ROBO1: variants seen among roughly 807,000 people sequenced by gnomAD.
ROBO1 encodes the protein roundabout homolog 1.
ROBO1 carries 149 observed loss-of-function variants against 195.9 expected under a neutral mutation model. The observed-to-expected ratio is 0.76, with a 90% confidence interval of 0.67 to 0.87. ROBO1 has a LOEUF of 0.87. Among genes scored for constraint, ROBO1 ranks in the 40% least tolerant of loss-of-function variants. The pLI is 0.00. For synonymous variants in ROBO1, 816 were observed against 733.2 expected (o/e 1.11, Z -1.82); for missense variants, 1,933 against 2,068.3 (o/e 0.93, Z 1.27).
chr3:79,246,646 AT>A (rs2082628712), intron 2 of ROBO1, among the ~76,000 whole-genome samples: 1 of 151,936 alleles, frequency 6.6e-6, no homozygotes. Context: ...GTCCCTTATT[AT>A]TTGTGTGACC....
intron 1 of ROBO1, among the ~76,000 whole-genome samples, chr3:79,626,140 AC>A (rs1400196379): frequency 6.6e-6 from 1 of 152,180 alleles, no homozygotes; most frequent in African/African-American, 2.4e-5. Flanking sequence ...ATAAAATTCA[AC>A]ATCCTTTCAT....
At chr3:79,722,274 C>T (rs947731312) in intron 1 of ROBO1, among the ~76,000 whole-genome samples, 1 of 152,106 alleles carries the variant, frequency 6.6e-6, no homozygotes, top group African/African-American at 2.4e-5. Flanking sequence ...ATCAATTGAC[C>T]TCTCATACAT....
At chr3:79,647,964 T>C (rs4856382) in intron 1 of ROBO1, among the ~76,000 whole-genome samples, 83,498 of 151,888 alleles carry the variant, frequency 0.55, 23,166 homozygotes, top group South Asian at 0.67. Context: ...TGTTGACGTT[T>C]TTGTGACCAA....
chr3:79,519,816 G>A (rs1412173269), intron 2 of ROBO1, among the ~76,000 whole-genome samples: 5 of 151,820 alleles, frequency 3.3e-5, no homozygotes, highest in Non-Finnish European at 5.9e-5. Flanking sequence ...CTAGGCAAAG[G>A]TAGGCAAGTA....
chr3:79,408,890 A>G (rs2106838986), intron 2 of ROBO1, among the ~76,000 whole-genome samples: 1 of 152,248 alleles, frequency 6.6e-6, no homozygotes, highest in South Asian at 2.1e-4. Flanking sequence ...ATATTCCAAA[A>G]TAACTTACAT....
chr3:78,734,110 T>C (rs905625940), intron 5 of ROBO1, among the ~76,000 whole-genome samples: 1 of 152,282 alleles, frequency 6.6e-6, no homozygotes, highest in South Asian at 2.1e-4. Context: ...AAGGTCTATT[T>C]TGACTAATAG....
At chr3:79,281,033 A>G (rs2031470946) in intron 2 of ROBO1, among the ~76,000 whole-genome samples, 1 of 152,172 alleles carries the variant, frequency 6.6e-6, no homozygotes, top group South Asian at 2.1e-4. Context: ...AATAAAAAAG[A>G]ATGTACTTCG....
chr3:79,155,366 T>C (rs2080840887), intron 2 of ROBO1, among the ~76,000 whole-genome samples: 1 of 151,712 alleles, frequency 6.6e-6, no homozygotes, highest in African/African-American at 2.4e-5. Flanking sequence ...TTCCTTGAAT[T>C]AAAATAAACA....
In ROBO1 at chr3:78,607,012, C is replaced by G. The variant is rs1324163287; in HGVS notation, c.4465G>C (p.Ala1489Pro). The G allele has an allele frequency of 1.9e-6, 3 of 1,612,188 alleles. No homozygotes were observed. The highest frequency in any genetic ancestry group is 2.5e-6 in the Non-Finnish European group (3 of 1,178,472). The stretch of plus-strand genomic sequence containing the variant: ...GATTGGGCAGTAGGTGACTTTATAG[C>G]AGGTGGCGGCACAGGAGGTGGTGGA... ...DLPPPPVPPPAIKSPTAQSKT... is the reference protein window; with the variant it reads ...DLPPPPVPPPPIKSPTAQSKT... The change falls in exon 29 of 31, where the codon GCT becomes CCT. Residue 1489 changes from alanine (A) to proline (P), a missense_variant. Coordinates refer to ENST00000464233, the MANE Select transcript of ROBO1 (RefSeq NM_002941.4).
At chr3:78,954,929 TCTTA>T (rs2040964235) in intron 3 of ROBO1, among the ~76,000 whole-genome samples, 1 of 150,290 alleles carries the variant, frequency 6.7e-6, no homozygotes, top group Non-Finnish European at 1.5e-5. Context: ...CTGAAGTTAA[TCTTA>T]CTTTCGTGTT....
intron 4 of ROBO1, among the ~76,000 whole-genome samples, chr3:78,918,402 G>T (rs1232200939): frequency 1.3e-5 from 2 of 152,092 alleles, no homozygotes; most frequent in Admixed American, 6.5e-5. Context: ...ACAGAGAGCG[G>T]CTTGGAAAAG....
intron 2 of ROBO1, among the ~76,000 whole-genome samples, chr3:79,375,002 T>C (rs1329254116): frequency 2.0e-5 from 3 of 152,194 alleles, no homozygotes; most frequent in Non-Finnish European, 4.4e-5. Context: ...CGTTTATTTA[T>C]TCAGTGCCAG....
intron 6 of ROBO1, 70 bp from the exon 7 acceptor site, chr3:78,717,483 C>T (rs918155361): frequency 3.8e-6 from 5 of 1,304,452 alleles, no homozygotes; most frequent in Non-Finnish European, 4.4e-6. Context: ...TTTAGGAGTT[C>T]AGTAAGAGCA....
In ROBO1 at chr3:79,214,129, T is replaced by C. The variant is rs138372652; in HGVS notation, c.89-88590A>G. Among the ~76,000 whole-genome samples, 70 of 152,192 alleles carry C rather than the reference T, an allele frequency of 4.6e-4. 2 individuals are homozygous for C. Among genetic ancestry groups the C allele is most frequent in the Admixed American group, 2.0e-3 (31 of 15,268 alleles). Reference sequence around the variant, plus strand: ...TCCACTTCTTATATTGTCACAGGACTCAATGTGAGATGCTGTGTTCCAGGT... The same window carrying C: ...TCCACTTCTTATATTGTCACAGGACCCAATGTGAGATGCTGTGTTCCAGGT... On this transcript the variant is annotated intron_variant, in intron 2 of 30. Transcript: ENST00000464233.
chr3:79,760,497 C>CAAAAA (rs71631676), intron 1 of ROBO1, among the ~76,000 whole-genome samples: 1 of 114,848 alleles, frequency 8.7e-6, no homozygotes, highest in African/African-American at 3.3e-5. Flanking sequence ...AATGCAATAC[C>CAAAAA]AAAAAAAAAA....
At chr3:79,341,609 G>T (rs2034908768) in intron 2 of ROBO1, among the ~76,000 whole-genome samples, 4 of 151,926 alleles carry the variant, frequency 2.6e-5, no homozygotes. Flanking sequence ...CTCCCAGTTA[G>T]CTGGGATTAC....
intron 5 of ROBO1, among the ~76,000 whole-genome samples, chr3:78,734,377 A>G (rs2082346283): frequency 7.2e-6 from 1 of 138,318 alleles, no homozygotes; most frequent in South Asian, 2.4e-4. Context: ...CCTTGGCAAC[A>G]TGGTGAGACC....
chr3:79,562,408 G>A lies in ROBO1; in HGVS notation c.88+27416C>T, dbSNP rs116750710. On this transcript the variant is annotated intron_variant, in intron 2 of 30. Transcript: ENST00000464233. ...AGACTTTAAGTTCTGGGGTACATGCGCGTAACTTATGAAAAAATGCTCATC... is the reference window on the plus strand; with the variant it reads ...AGACTTTAAGTTCTGGGGTACATGCACGTAACTTATGAAAAAATGCTCATC... 9.7e-3 allele frequency among the ~76,000 whole-genome samples: 1,472 copies of A among 152,082 alleles called. 25 individuals are homozygous for A. The highest frequency in any genetic ancestry group is 0.033 in the African/African-American group (1,371 of 41,530).
intron 4 of ROBO1, among the ~76,000 whole-genome samples, chr3:78,864,958 C>T (rs776320831): frequency 1.3e-5 from 2 of 152,066 alleles, no homozygotes; most frequent in Admixed American, 6.6e-5. Context: ...TAAATTTTCA[C>T]GTTTGATCGC....
Sources: gnomAD v4.1 joint callset for allele counts (sites outside exome capture counted in the v4.1 genomes callset) on GRCh38, gnomAD v4.1.1 for gene constraint, MANE v1.5 for transcripts, NCBI Gene and HGNC (gene_info 2026-07-23, HGNC 2026-07-21) for gene names.